The following RBFOX2 variants were observed in gnomAD, a reference collection of about 807,000 sequenced individuals.
RBFOX2 encodes the protein RNA binding protein fox-1 homolog 2.
In RBFOX2, 10 loss-of-function variants were observed where a neutral mutation model predicts 49.1. That is an observed-to-expected ratio of 0.20 (90% CI 0.13 to 0.35). RBFOX2 has a LOEUF of 0.35. RBFOX2 is among the 10% of genes least tolerant of loss of function. The pLI is 1.00. For missense variants in RBFOX2, 323 were observed against 486.9 expected (o/e 0.66, Z 3.17); for synonymous variants, 183 against 187.4 (o/e 0.98, Z 0.19).
At chr22:36,010,411 G>A (rs574337618) in intron 1 of RBFOX2, among the ~76,000 whole-genome samples, 5 of 152,106 alleles carry the variant, frequency 3.3e-5, no homozygotes, top group Admixed American at 2.0e-4. Context: ...CAGAGACTGC[G>A]CGGGCCTAAT....
chr22:35,821,747 C>G (rs1569265798), intron 1 of RBFOX2: 1 of 518,240 alleles, frequency 1.9e-6, no homozygotes, highest in East Asian at 5.5e-5. Flanking sequence ...TTACTGACTG[C>G]TCTGACCACC....
chr22:35,891,348 T>C (rs762906811), intron 1 of RBFOX2, among the ~76,000 whole-genome samples: 1 of 152,158 alleles, frequency 6.6e-6, no homozygotes, highest in African/African-American at 2.4e-5. Context: ...TTAGCCAGAA[T>C]GGTCTCGATC....
intron 2 of RBFOX2, among the ~76,000 whole-genome samples, chr22:35,783,214 T>C (rs1602679592): frequency 2.0e-5 from 3 of 152,134 alleles, no homozygotes; most frequent in South Asian, 2.1e-4. Flanking sequence ...CATGTTCCCA[T>C]GTTACACAGG....
At chr22:35,801,026 T>A (rs1949686450) in intron 2 of RBFOX2, among the ~76,000 whole-genome samples, 1 of 152,182 alleles carries the variant, frequency 6.6e-6, no homozygotes, top group African/African-American at 2.4e-5. Flanking sequence ...CAGTACACCA[T>A]CTTCTTTCAC....
At chr22:35,790,392 C>T (rs751346269) in intron 2 of RBFOX2, among the ~76,000 whole-genome samples, 3 of 152,084 alleles carry the variant, frequency 2.0e-5, no homozygotes, top group Non-Finnish European at 4.4e-5. Context: ...TCCATAAATA[C>T]AAAATTTTTT....
At chr22:35,844,300 C>T (rs762656232), upstream of RBFOX2, among the ~76,000 whole-genome samples, 1 of 152,118 alleles carries the variant, frequency 6.6e-6, no homozygotes, top group African/African-American at 2.4e-5. Context: ...CAGTTCTTAA[C>T]CCAGTATCTG....
chr22:35,897,351 G>A, intron 1 of RBFOX2: 1 of 1,301,988 alleles, frequency 7.7e-7, no homozygotes, highest in South Asian at 1.2e-5. Context: ...CACCTCAATG[G>A]CCTTGAGTTC....
At chr22:35,861,267 T>C (rs766674828) in intron 1 of RBFOX2, among the ~76,000 whole-genome samples, 56 of 152,178 alleles carry the variant, frequency 3.7e-4, no homozygotes, top group Non-Finnish European at 5.4e-4. Context: ...TTCTAAGCTA[T>C]AACATTAAAA....
exon 12 of RBFOX2, chr22:35,741,604 C>T (rs1929987361): frequency 1.3e-5 from 2 of 152,796 alleles, no homozygotes; most frequent in South Asian, 4.1e-4. Context: ...AAAAGCAGAA[C>T]TCCATTTATT....
chr22:35,947,815 TA>T (rs531255366), intron 1 of RBFOX2, among the ~76,000 whole-genome samples: 1 of 151,850 alleles, frequency 6.6e-6, no homozygotes, highest in Non-Finnish European at 1.5e-5. Flanking sequence ...ATCAAAAAGT[TA>T]AAAAAATTTT....
At chr22:36,009,461 C>A (rs1004634998) in intron 1 of RBFOX2, among the ~76,000 whole-genome samples, 4 of 152,160 alleles carry the variant, frequency 2.6e-5, no homozygotes, top group African/African-American at 9.7e-5. Context: ...GCAGCATCTG[C>A]CTCCTGGGCT....
chr22:35,872,910 G>C (rs1466635278), intron 1 of RBFOX2, among the ~76,000 whole-genome samples: 1 of 152,088 alleles, frequency 6.6e-6, no homozygotes, highest in African/African-American at 2.4e-5. Flanking sequence ...CATAGGAGTG[G>C]AGCCCTAGCC....
At chr22:35,997,483 ACTTCAATTATTT>A (rs1394475840) in intron 1 of RBFOX2, 2 of 152,230 alleles carry the variant, frequency 1.3e-5, no homozygotes, top group Non-Finnish European at 2.9e-5. Flanking sequence ...TCACTACAGA[ACTTCAATTATTT>A]CTTCCACAAA....
chr22:35,799,932 TGACAGAGTGA>T (rs538103897), intron 2 of RBFOX2, among the ~76,000 whole-genome samples: 44 of 152,100 alleles, frequency 2.9e-4, no homozygotes, highest in South Asian at 8.3e-4. Context: ...CCAGCCTGGG[TGACAGAGTGA>T]GACCCTACCT....
chr22:35,752,135 T>C (rs1196903819), intron 9 of RBFOX2, among the ~76,000 whole-genome samples: 1 of 152,242 alleles, frequency 6.6e-6, no homozygotes, highest in Non-Finnish European at 1.5e-5. Flanking sequence ...TTCAAACTTA[T>C]GTAGCAGCAC....
At chr22:36,004,126 C>T (rs2058534729) in intron 1 of RBFOX2, among the ~76,000 whole-genome samples, 1 of 152,132 alleles carries the variant, frequency 6.6e-6, no homozygotes, top group Non-Finnish European at 1.5e-5. Flanking sequence ...CTGAGTTAAC[C>T]CACTTATACA....
chr22:35,855,328 A>G (rs934974516), intron 1 of RBFOX2, among the ~76,000 whole-genome samples: 2 of 152,196 alleles, frequency 1.3e-5, no homozygotes, highest in Admixed American at 1.3e-4. Context: ...ATGTGTCCTG[A>G]TCAATAAAAA....
At chr22:35,943,456 CA>C (rs1036772824), upstream of RBFOX2, among the ~76,000 whole-genome samples, 25 of 151,956 alleles carry the variant, frequency 1.6e-4, no homozygotes, top group Non-Finnish European at 2.5e-4. Flanking sequence ...AGAGACTGCT[CA>C]AAAATAAAAA....
intron 1 of RBFOX2, among the ~76,000 whole-genome samples, chr22:35,953,877 T>C (rs2055247073): frequency 6.6e-6 from 1 of 152,172 alleles, no homozygotes; most frequent in Non-Finnish European, 1.5e-5. Context: ...ATACAGATAC[T>C]GATGCAGTAG....
Sources: allele counts gnomAD v4.1 joint callset (sites outside exome capture counted in the v4.1 genomes callset), GRCh38; gene constraint gnomAD v4.1.1; transcripts MANE v1.5; gene names NCBI Gene and HGNC (gene_info 2026-07-23, HGNC 2026-07-21).